UBR1: variants seen among roughly 807,000 people sequenced by gnomAD.
UBR1 encodes the protein ubiquitin protein ligase E3 component n-recognin 1.
A neutral mutation model predicts 242.1 loss-of-function variants in UBR1; 102 were observed. That is an observed-to-expected ratio of 0.42 (90% CI 0.36 to 0.50). UBR1 has a LOEUF of 0.50. Among genes scored for constraint, UBR1 ranks in the 20% least tolerant of loss-of-function variants. The pLI is 0.01. For missense variants in UBR1, 1,772 were observed against 2,101.8 expected, an observed-to-expected ratio of 0.84 and a Z score of 3.07; for synonymous variants, 675 against 684.8, an observed-to-expected ratio of 0.99 and a Z score of 0.22.
intron 23 of UBR1, chr15:43,026,119 C>T (rs1435735570): frequency 5.6e-6 from 1 of 177,428 alleles, no homozygotes; most frequent in African/African-American, 2.4e-5. Flanking sequence ...ATAGTCCCAG[C>T]TACTCAGGAT....
intron 29 of UBR1, among the ~76,000 whole-genome samples, chr15:43,012,320 T>A (rs1326385019): frequency 1.3e-5 from 2 of 151,876 alleles, no homozygotes; most frequent in African/African-American, 4.8e-5. Context: ...AGACAAAATG[T>A]ATGGTTAAAA....
At chr15:42,964,355 G>T (rs2032071784) in intron 41 of UBR1, among the ~76,000 whole-genome samples, 1 of 152,106 alleles carries the variant, frequency 6.6e-6, no homozygotes, top group Non-Finnish European at 1.5e-5. Context: ...TGTAATCCCA[G>T]CTACTAGGGA....
At chr15:43,076,038 G>A (rs2033886023) in intron 3 of UBR1, among the ~76,000 whole-genome samples, 1 of 151,950 alleles carries the variant, frequency 6.6e-6, no homozygotes, top group African/African-American at 2.4e-5. Context: ...AAAGCTGGAC[G>A]GTACTGCTGC....
chr15:43,011,980 G>A lies in UBR1; in HGVS notation c.3209+3708C>T, dbSNP rs144595138. On this transcript the variant is annotated intron_variant, in intron 29 of 46. Transcript: ENST00000290650. ...AGTGGCTCACGCCTGTAATCCCAGCGCTTTGGGAGGCCGAGGTGGGCGGAT... is the reference window on the plus strand; with the variant it reads ...AGTGGCTCACGCCTGTAATCCCAGCACTTTGGGAGGCCGAGGTGGGCGGAT... 2,413 of 438,784 alleles carry A rather than the reference G, an allele frequency of 5.5e-3. 35 individuals are homozygous for A. Among genetic ancestry groups the A allele is most frequent in the African/African-American group, 0.037 (1,843 of 49,478 alleles). 27.2% of individuals were successfully genotyped at this position (438,784 alleles called of 1,614,324 possible).
intron 21 of UBR1, among the ~76,000 whole-genome samples, chr15:43,028,293 G>C (rs2033203157): frequency 6.6e-6 from 1 of 152,074 alleles, no homozygotes; most frequent in Non-Finnish European, 1.5e-5. Flanking sequence ...TCTACCTTTT[G>C]CAAGTTTTTT....
chr15:43,090,801 T>C (rs907759998), intron 1 of UBR1, among the ~76,000 whole-genome samples: 2 of 152,178 alleles, frequency 1.3e-5, no homozygotes, highest in Non-Finnish European at 2.9e-5. Flanking sequence ...CACAGGGAAG[T>C]AAACTGACTT....
chr15:43,101,899 T>C (rs998499101), intron 1 of UBR1, among the ~76,000 whole-genome samples: 3 of 126,984 alleles, frequency 2.4e-5, no homozygotes, highest in African/African-American at 6.1e-5. Flanking sequence ...ACCCGGGAGG[T>C]AGAGGTTTCA....
rs1365725508 is a variant in UBR1 at position 42,944,223 on chromosome 15, G to C, written c.*1106C>G. The C allele has an allele frequency of 6.6e-6, 1 of 152,558 alleles. No homozygotes were observed. Among genetic ancestry groups the C allele is most frequent in the Non-Finnish European group, 1.5e-5 (1 of 68,030 alleles). 9.5% of individuals were successfully genotyped at this position (152,558 alleles called of 1,614,324 possible). A position where few individuals can be genotyped will look rare whatever the true frequency, so the allele number is the denominator to read the frequency against. ...AAAAACAAAAGCCAGGAACCAAGAAGTCTATGCACAAATTCAGGAGAGCTC... is the reference window on the plus strand; with the variant it reads ...AAAAACAAAAGCCAGGAACCAAGAACTCTATGCACAAATTCAGGAGAGCTC... On this transcript the variant is annotated 3_prime_UTR_variant, in exon 47 of 47. Coordinates refer to ENST00000290650, the MANE Select transcript of UBR1 (RefSeq NM_174916.3).
At chr15:43,015,640 T>TA in intron 29 of UBR1, 48 bp downstream of exon 29, 1 of 1,592,658 alleles carries the variant, frequency 6.3e-7, no homozygotes, top group Non-Finnish European at 8.6e-7. Context: ...AATGATCAAT[T>TA]TAAAAAAAAA....
intron 37 of UBR1, among the ~76,000 whole-genome samples, chr15:42,978,440 C>G (rs1227766347): frequency 6.6e-6 from 1 of 152,164 alleles, no homozygotes; most frequent in Admixed American, 6.5e-5. Flanking sequence ...GATTGTTCAT[C>G]TGGAGGAAAT....
At chr15:43,025,499 C>A in intron 23 of UBR1, 70 bp from the exon 24 acceptor site, 1 of 1,154,216 alleles carries the variant, frequency 8.7e-7, no homozygotes, top group South Asian at 1.3e-5. Context: ...TTAAAGCAGT[C>A]AGGAAAGACC....
chr15:43,039,608 A>G (rs931293987), intron 15 of UBR1, among the ~76,000 whole-genome samples: 3 of 152,180 alleles, frequency 2.0e-5, no homozygotes, highest in Admixed American at 6.5e-5. Flanking sequence ...TAAATATACA[A>G]TCATGTCATC....
intron 3 of UBR1, among the ~76,000 whole-genome samples, chr15:43,077,647 A>T (rs1334837402): frequency 6.8e-6 from 1 of 146,212 alleles, no homozygotes; most frequent in Non-Finnish European, 1.5e-5. Flanking sequence ...ATGATCAATT[A>T]AAAAAAAAAA....
In UBR1 at chr15:43,070,725, T is replaced by C. The variant is rs1023880829; in HGVS notation, c.659+70A>G. 3 of 1,598,152 alleles carry C rather than the reference T, an allele frequency of 1.9e-6. No homozygotes were observed. In the Admixed American group the frequency reaches 5.0e-5, roughly 27 times the overall value. On this transcript the variant is annotated intron_variant, in intron 5 of 46. Coordinates refer to ENST00000290650, the MANE Select transcript of UBR1 (RefSeq NM_174916.3). ...ATTAGGCAGTAAATAACAAAAACAA[T>C]TATCAAACACACATTTTGCAATACA...
At chr15:43,045,564 A>G (rs1234985515) in intron 14 of UBR1, among the ~76,000 whole-genome samples, 1 of 152,174 alleles carries the variant, frequency 6.6e-6, no homozygotes, top group Non-Finnish European at 1.5e-5. Context: ...GTAGCTTAGG[A>G]GAGTCATCCC....
chr15:43,042,017 G>A (rs2033425700), intron 15 of UBR1, among the ~76,000 whole-genome samples: 1 of 152,114 alleles, frequency 6.6e-6, no homozygotes, highest in Non-Finnish European at 1.5e-5. Flanking sequence ...ATCTGGGGGG[G>A]AAAAAAGGAG....
chr15:43,019,068 CT>C (rs963307785), intron 27 of UBR1, among the ~76,000 whole-genome samples: 88 of 148,230 alleles, frequency 5.9e-4, no homozygotes, highest in African/African-American at 1.8e-3. Flanking sequence ...ATATCACTAT[CT>C]TTTTTTTTTT....
At chr15:43,017,635 T>C (rs2033046730) in intron 27 of UBR1, among the ~76,000 whole-genome samples, 1 of 151,724 alleles carries the variant, frequency 6.6e-6, no homozygotes, top group African/African-American at 2.4e-5. Flanking sequence ...CATAGCAAAA[T>C]CCTGTCTTTA....
rs186687363 is a variant in UBR1, at chr15:43,026,530, T to C, written c.2535+31A>G. Reference sequence around the variant, plus strand: ...AGTTAGAAAGCATAAAGCATTTAGGTTTATTTACTGAAAAGGATACTTTTT... The same window carrying C: ...AGTTAGAAAGCATAAAGCATTTAGGCTTATTTACTGAAAAGGATACTTTTT... On this transcript the variant is annotated intron_variant, in intron 23 of 46. Transcript: ENST00000290650. 3.4e-5 allele frequency: 54 copies of C among 1,586,468 alleles called. No homozygotes were observed. The African/African-American group carries it at 6.2e-4, about 18-fold the overall frequency.
Sources: allele counts gnomAD v4.1 joint callset (sites outside exome capture counted in the v4.1 genomes callset), GRCh38; gene constraint gnomAD v4.1.1; transcripts MANE v1.5; gene names NCBI Gene and HGNC (gene_info 2026-07-23, HGNC 2026-07-21).